The following CELSR1 variants were observed in gnomAD, a reference collection of about 807,000 sequenced individuals.
CELSR1 encodes adhesion G protein-coupled receptor C1.
CELSR1 carries 110 observed loss-of-function variants against 249.1 expected under a neutral mutation model. That is an observed-to-expected ratio of 0.44 (90% CI 0.38 to 0.52). The LOEUF (loss-of-function observed/expected upper bound fraction) is 0.52, where lower values mean the gene tolerates loss of function less well. Ranked by LOEUF, CELSR1 falls within the 20% of genes least tolerant of loss-of-function variation. CELSR1 has a pLI of 0.00. For missense variants in CELSR1, 4,109 were observed against 4,296.4 expected, an observed-to-expected ratio of 0.96 and a Z score of 1.22; for synonymous variants, 2,113 against 1,900.0, an observed-to-expected ratio of 1.11 and a Z score of -2.92.
intron 32 of CELSR1, among the ~76,000 whole-genome samples, chr22:46,365,001 C>T (rs558922240): frequency 4.6e-5 from 7 of 152,214 alleles, no homozygotes; most frequent in Non-Finnish European, 7.3e-5. Flanking sequence ...GGTGACAGTC[C>T]ACAGAGACCC....
At chr22:46,452,732 CCTG>C in intron 2 of CELSR1, among the ~76,000 whole-genome samples, 1 of 152,230 alleles carries the variant, frequency 6.6e-6, no homozygotes, top group Admixed American at 6.5e-5. Flanking sequence ...TGAGGATGAG[CCTG>C]GTGGTGGGTC....
At chr22:46,431,480 C>T (rs1269866674) in intron 5 of CELSR1, among the ~76,000 whole-genome samples, 1 of 152,186 alleles carries the variant, frequency 6.6e-6, no homozygotes, top group Admixed American at 6.5e-5. Context: ...TCTTCTGATA[C>T]GTGCAGGAAG....
intron 5 of CELSR1, among the ~76,000 whole-genome samples, chr22:46,418,096 T>C (rs2079424029): frequency 6.6e-6 from 1 of 152,276 alleles, no homozygotes; most frequent in African/African-American, 2.4e-5. Flanking sequence ...CCTGCTATTG[T>C]TACTTCTTGA....
In CELSR1 at chr22:46,398,590, G is replaced by A. The variant is rs369062109; in HGVS notation, c.5460C>T (p.Ser1820=). 30 of 1,613,552 alleles carry A rather than the reference G, an allele frequency of 1.9e-5. No individual in the cohort carries two copies. Among genetic ancestry groups the A allele is most frequent in the East Asian group, 2.2e-5 (1 of 44,858 alleles). ...GGMLPGLTVR[S]VVVGGASEDK... ...CTTCAGAGGCGCCTCCGACCACCACGCTCCTTACCGTCAGCCCGGGAAGCA... is the reference window on the plus strand; with the variant it reads ...CTTCAGAGGCGCCTCCGACCACCACACTCCTTACCGTCAGCCCGGGAAGCA... Residue 1820 remains serine (S), a synonymous_variant, in exon 11 of 35, where the codon AGC becomes AGT. Transcript: ENST00000674500. This position sits in a 1 kb window ranked among gnomAD's most constrained non-coding sequence, Gnocchi z 7.2.
chr22:46,535,118 G>A lies in CELSR1; in HGVS notation c.2053C>T (p.Pro685Ser). Residue 685 changes from proline (P) to serine (S), a missense_variant, in exon 1 of 35, where the codon CCG (proline) becomes TCG (serine). Physicochemically the swap from Pro to Ser is moderately conservative, Grantham distance 74. Coordinates refer to ENST00000674500, the MANE Select transcript of CELSR1 (RefSeq NM_001378328.1). The stretch of plus-strand genomic sequence containing the variant: ...TCGTAGGTGGGCTGCGTGAACACCG[G>A]GTCGTTGTCATTCACGTCCAGCACC... ...ITVLDVNDND[P>S]VFTQPTYELR... The A allele has an allele frequency of 6.2e-7, 1 of 1,611,552 alleles. No individual in the cohort carries two copies. The highest frequency in any genetic ancestry group is 8.5e-7 in the Non-Finnish European group (1 of 1,179,828).
chr22:46,367,669 A>T (rs899881702), intron 28 of CELSR1, 60 bp downstream of exon 28: 146 of 1,553,008 alleles, frequency 9.4e-5, no homozygotes, highest in Admixed American at 3.5e-4. Flanking sequence ...GCTTCGCATC[A>T]CAGCGATGGT....
Position 46,475,870 on chromosome 22 carries a change from G to C in CELSR1, c.3545-11525C>G, listed in dbSNP as rs548380639. On this transcript the variant is annotated intron_variant, in intron 1 of 34. Coordinates refer to ENST00000674500, the MANE Select transcript of CELSR1 (RefSeq NM_001378328.1). ...ATTCAGGATTTAATACTATTAAGTTGTTCCATGTTATTCCAACACAGCTCA... is the reference window on the plus strand; with the variant it reads ...ATTCAGGATTTAATACTATTAAGTTCTTCCATGTTATTCCAACACAGCTCA... 2.0e-5 allele frequency among the ~76,000 whole-genome samples: 3 copies of C among 152,210 alleles called. No homozygotes were observed. In the East Asian group the frequency reaches 5.8e-4, roughly 29 times the overall value.
Position 46,402,911 on chromosome 22 carries a change from G to A in CELSR1, c.5227-3009C>T, listed in dbSNP as rs1178441699. On this transcript the variant is annotated intron_variant, in intron 9 of 34. Transcript: ENST00000674500. The surrounding 1 kb of genome is among the most constrained non-coding windows in gnomAD (Gnocchi z 5.0). ...TTAGCACACTGCTTATATTATACCT[G>A]AAATATAAGGATACAGAAAATGTTG... Among the ~76,000 whole-genome samples, 1 of 151,978 alleles carries A rather than the reference G, an allele frequency of 6.6e-6. No individual in the cohort carries two copies. The highest frequency in any genetic ancestry group is 6.6e-5 in the Admixed American group (1 of 15,254).
At chr22:46,525,863 G>A (rs888216281) in intron 1 of CELSR1, among the ~76,000 whole-genome samples, 4 of 152,266 alleles carry the variant, frequency 2.6e-5, no homozygotes, top group Admixed American at 6.5e-5. Context: ...CTTCAGCAGC[G>A]ACACTGGGGC....
In CELSR1 at chr22:46,436,072, A is replaced by C; in HGVS notation, c.4522+102T>G. 1.2e-6 allele frequency: 1 copy of C among 818,408 alleles called. No homozygotes were observed. Among genetic ancestry groups the C allele is most frequent in the Non-Finnish European group, 2.0e-6 (1 of 500,878 alleles). The allele number at this position is 818,408 out of a possible 1,614,324, so 50.7% of individuals were successfully genotyped here. Reference sequence around the variant, plus strand: ...CCTAGACCTACAAGTGAGGGATGAAAGGGTAAGCAGCTTGGAGGCGCTGCA... The same window carrying C: ...CCTAGACCTACAAGTGAGGGATGAACGGGTAAGCAGCTTGGAGGCGCTGCA... On this transcript the variant is annotated intron_variant, in intron 4 of 34. Coordinates refer to ENST00000674500, the MANE Select transcript of CELSR1 (RefSeq NM_001378328.1). The surrounding 1 kb of genome is among the most constrained non-coding windows in gnomAD (Gnocchi z 5.9).
At chr22:46,372,468 A>G (rs1362467312) in intron 25 of CELSR1, among the ~76,000 whole-genome samples, 1 of 17,802 alleles carries the variant, frequency 5.6e-5, no homozygotes, top group Non-Finnish European at 1.0e-4. Context: ...CCCCCCATCC[A>G]TCCAGCCACT....
At chr22:46,449,395 C>T (rs1255579298) in intron 2 of CELSR1, among the ~76,000 whole-genome samples, 2 of 151,570 alleles carry the variant, frequency 1.3e-5, no homozygotes, top group African/African-American at 2.4e-5. Flanking sequence ...CCACCCATCA[C>T]ACATCCATCC....
At position 46,369,243 on chromosome 22, in the gene CELSR1, A is replaced by G; in HGVS notation, c.7888T>C (p.Ser2630Pro). ...GAVIIINTVTSVLSAKVSCQR... is the reference protein window; with the variant it reads ...GAVIIINTVTPVLSAKVSCQR... The stretch of plus-strand genomic sequence containing the variant: ...CAGGAAACCTTTGCAGATAGGACAG[A>G]AGTGACTGTGTTGATCTGAAAACAA... The change falls in exon 27 of 35, where the codon TCT becomes CCT. Residue 2630 changes from serine to proline, a missense_variant. Physicochemically the swap from Ser to Pro is moderately conservative, Grantham distance 74. Transcript: ENST00000674500. 1 of 1,613,858 alleles carries G rather than the reference A, an allele frequency of 6.2e-7. No individual in the cohort carries two copies. The highest frequency in any genetic ancestry group is 1.1e-5 in the South Asian group (1 of 91,078).
intron 1 of CELSR1, among the ~76,000 whole-genome samples, chr22:46,533,214 C>A (rs907693903): frequency 6.6e-6 from 1 of 152,226 alleles, no homozygotes; most frequent in African/African-American, 2.4e-5. Flanking sequence ...TTAATTGGCA[C>A]TGGGAAGGGG....
intron 1 of CELSR1, among the ~76,000 whole-genome samples, 186 bp downstream of exon 1, chr22:46,533,440 CT>C (rs2147820835): frequency 6.6e-6 from 1 of 152,376 alleles, no homozygotes; most frequent in South Asian, 2.1e-4. Flanking sequence ...CGCGGTGCCT[CT>C]CCCCCTCGCT....
chr22:46,519,937 C>A (rs546449209), intron 1 of CELSR1, among the ~76,000 whole-genome samples: 10 of 150,408 alleles, frequency 6.6e-5, no homozygotes, highest in African/African-American at 2.5e-4. Context: ...AGTGGCGCAA[C>A]CTCAGCTCAC....
chr22:46,450,579 G>A (rs530713851), intron 2 of CELSR1, among the ~76,000 whole-genome samples: 1 of 152,348 alleles, frequency 6.6e-6, no homozygotes, highest in East Asian at 1.9e-4. Flanking sequence ...CAGCTGCATG[G>A]GTGGGAGCGG....
chr22:46,391,231 T>G lies in CELSR1; in HGVS notation c.6205A>C (p.Lys2069Gln). Residue 2069 changes from lysine to glutamine, a missense_variant, in exon 16 of 35, where the codon AAG becomes CAG. Lys to Gln is a moderately conservative substitution (Grantham distance 53). This residue lies in a region of CELSR1 where 1,805 missense variants were observed against 1,831.6 expected (regional missense o/e 0.99). Coordinates refer to ENST00000674500, the MANE Select transcript of CELSR1 (RefSeq NM_001378328.1). The surrounding 1 kb of genome is among the most constrained non-coding windows in gnomAD (Gnocchi z 4.3). Reference protein sequence around the residue: ...FEAGIWWPQTKFGQPAAVPCP... With the variant: ...FEAGIWWPQTQFGQPAAVPCP... ...GGCACCGCAGCCGGCTGCCCGAACTTGGTCTGTGGCCACCAGATGCCGGCC... is the reference window on the plus strand; with the variant it reads ...GGCACCGCAGCCGGCTGCCCGAACTGGGTCTGTGGCCACCAGATGCCGGCC... The G allele has an allele frequency of 6.2e-7, 1 of 1,613,622 alleles. No individual in the cohort carries two copies. The highest frequency in any genetic ancestry group is 8.5e-7 in the Non-Finnish European group (1 of 1,179,982).
At position 46,471,302 on chromosome 22, in the gene CELSR1, C is replaced by T. The variant is rs191159833; in HGVS notation, c.3545-6957G>A. ...TAATTTTGAAACAGTTTTAGATTTA[C>T]AAAAAAATTACTAATACAGCGGGTT... On this transcript the variant is annotated intron_variant, in intron 1 of 34. Coordinates refer to ENST00000674500, the MANE Select transcript of CELSR1 (RefSeq NM_001378328.1). The surrounding 1 kb of genome is among the most constrained non-coding windows in gnomAD (Gnocchi z 4.9). Among the ~76,000 whole-genome samples the T allele has an allele frequency of 4.7e-4, 71 of 152,200 alleles. No homozygotes were observed. The highest frequency in any genetic ancestry group is 1.7e-3 in the African/African-American group (70 of 41,524).
Sources: gnomAD v4.1 joint callset for allele counts (sites outside exome capture counted in the v4.1 genomes callset) on GRCh38, gnomAD v4.1.1 for gene constraint, gnomAD v4.1.1 regional missense constraint, Gnocchi (gnomAD v3.1) non-coding constraint, MANE v1.5 for transcripts, NCBI Gene and HGNC (gene_info 2026-07-23, HGNC 2026-07-21) for gene names.